The following COG5 variants were observed in gnomAD, a reference collection of about 807,000 sequenced individuals.
COG5 encodes component of oligomeric golgi complex 5.
Under a neutral mutation model 110.4 loss-of-function variants are expected in COG5, and 86 were observed. That is an observed-to-expected ratio of 0.78 (90% CI 0.65 to 0.93). The LOEUF (loss-of-function observed/expected upper bound fraction) is 0.93, where lower values mean the gene tolerates loss of function less well. Among genes scored for constraint, COG5 ranks in the 40% least tolerant of loss-of-function variants. COG5 has a pLI of 0.00. For missense variants in COG5, 1,077 were observed against 987.0 expected (o/e 1.09, Z -1.22); for synonymous variants, 360 against 334.6 (o/e 1.08, Z -0.83).
At chr7:107,409,810 T>C (rs1383963841) in intron 7 of COG5, among the ~76,000 whole-genome samples, 1 of 152,208 alleles carries the variant, frequency 6.6e-6, no homozygotes, top group Non-Finnish European at 1.5e-5. Context: ...CCTTGTGACC[T>C]TGATTTTCCT....
At chr7:107,278,987 G>A (rs1348358336) in intron 14 of COG5, among the ~76,000 whole-genome samples, 7 of 151,998 alleles carry the variant, frequency 4.6e-5, no homozygotes, top group Non-Finnish European at 7.4e-5. Flanking sequence ...AACTATCATC[G>A]GAGTGCACAG....
intron 17 of COG5, among the ~76,000 whole-genome samples, chr7:107,247,713 T>C (rs1584569186): frequency 6.6e-6 from 1 of 152,218 alleles, no homozygotes; most frequent in African/African-American, 2.4e-5. Context: ...TACTCTATTT[T>C]AAAAGATTTC....
At chr7:107,475,266 C>T in intron 6 of COG5, 1 of 1,603,554 alleles carries the variant, frequency 6.2e-7, no homozygotes, top group Non-Finnish European at 8.5e-7. Flanking sequence ...CTGTAATACA[C>T]AACTCTTGGA....
intron 6 of COG5, among the ~76,000 whole-genome samples, chr7:107,446,425 T>C (rs1390310074): frequency 2.0e-5 from 3 of 152,182 alleles, no homozygotes; most frequent in Non-Finnish European, 2.9e-5. Context: ...CACACATACT[T>C]ACGGTAACCA....
At chr7:107,291,811 A>C (rs1355778265) in intron 12 of COG5, among the ~76,000 whole-genome samples, 4 of 151,992 alleles carry the variant, frequency 2.6e-5, no homozygotes, top group Non-Finnish European at 5.9e-5. Context: ...TATTCTCCGG[A>C]TCTCTCCTTG....
chr7:107,261,636 G>C (rs1803360352), intron 14 of COG5, among the ~76,000 whole-genome samples: 1 of 152,046 alleles, frequency 6.6e-6, no homozygotes, highest in African/African-American at 2.4e-5. Flanking sequence ...TCAAATAGAT[G>C]ATCCTTCCAA....
Position 107,490,236 on chromosome 7 carries a change from C to T in COG5, c.538+37001G>A, listed in dbSNP as rs140405262. The stretch of plus-strand genomic sequence containing the variant: ...TCCAAGATAGGGTCTTGTTATATTG[C>T]CCAGGATAACCTCAAACCCTTGAGC... On this transcript the variant is annotated intron_variant, in intron 6 of 21. Coordinates refer to ENST00000297135, the MANE Select transcript of COG5 (RefSeq NM_006348.5). 1.9e-4 allele frequency among the ~76,000 whole-genome samples: 29 copies of T among 152,216 alleles called. No homozygotes were observed. In the East Asian group the frequency reaches 5.6e-3, roughly 29 times the overall value.
At chr7:107,235,832 T>TA (rs1801145748) in intron 18 of COG5, among the ~76,000 whole-genome samples, 1 of 152,256 alleles carries the variant, frequency 6.6e-6, no homozygotes, top group South Asian at 2.1e-4. Context: ...AAAATCTGTC[T>TA]AAAGGACAAA....
In COG5 at chr7:107,527,326, C is replaced by T. The variant is rs1390963885; in HGVS notation, c.449G>A (p.Arg150His). ...GAGTCTCTTACTGAGATTCAAGATA[C>T]GAATAATCCTCCGAAGCAAATCACA... ...VACDLLRRII[R>H]ILNLSKRLQG... is the part of the protein sequence containing the mutation. Residue 150 changes from arginine to histidine, a missense_variant, in exon 6 of 22, where the codon CGT (arginine) becomes CAT (histidine). Transcript: ENST00000297135. 8 of 1,613,146 alleles carry T rather than the reference C, an allele frequency of 5.0e-6. No individual in the cohort carries two copies. The highest frequency in any genetic ancestry group is 2.2e-5 in the East Asian group (1 of 44,838).
chr7:107,385,988 TTGTGTGTGTGTGTG>T (rs59992824), intron 7 of COG5, among the ~76,000 whole-genome samples: 3 of 144,832 alleles, frequency 2.1e-5, no homozygotes, highest in East Asian at 2.0e-4. Flanking sequence ...AAACCAGGTT[TTGTGTGTGTGTGTG>T]TGTGTGTGTG....
At chr7:107,475,475 T>C in intron 6 of COG5, 1 of 579,602 alleles carries the variant, frequency 1.7e-6, no homozygotes, top group Non-Finnish European at 3.0e-6. Context: ...GGTTATGTTG[T>C]AAATTTTCAA....
chr7:107,327,955 A>G (rs2129029250), intron 10 of COG5, among the ~76,000 whole-genome samples: 1 of 152,336 alleles, frequency 6.6e-6, no homozygotes, highest in South Asian at 2.1e-4. Flanking sequence ...AAAGAGCTGA[A>G]AGCAGGATCT....
At chr7:107,293,678 T>C (rs1399871436) in intron 12 of COG5, among the ~76,000 whole-genome samples, 2 of 152,142 alleles carry the variant, frequency 1.3e-5, no homozygotes, top group Non-Finnish European at 2.9e-5. Flanking sequence ...TTCCACTGTC[T>C]AATCTATAAA....
chr7:107,298,393 GTAAA>G, intron 11 of COG5, 47 bp from the exon 12 acceptor site: 1 of 1,484,786 alleles, frequency 6.7e-7, no homozygotes, highest in South Asian at 1.2e-5. Context: ...ATAAAATGTA[GTAAA>G]TGTTTCTTTT....
chr7:107,557,923 AAATT>A, intron 2 of COG5, 49 bp downstream of exon 2: 1 of 1,596,150 alleles, frequency 6.3e-7, no homozygotes, highest in Admixed American at 1.7e-5. Flanking sequence ...CAAAAATGCT[AAATT>A]ATCACTTTAG....
At chr7:107,355,554 A>G (rs1220373675) in intron 10 of COG5, among the ~76,000 whole-genome samples, 1 of 152,236 alleles carries the variant, frequency 6.6e-6, no homozygotes, top group Non-Finnish European at 1.5e-5. Context: ...GAATAAACAA[A>G]CTGAGGTATA....
chr7:107,471,515 T>C (rs1424452060), intron 6 of COG5: 3 of 152,002 alleles, frequency 2.0e-5, no homozygotes, highest in Non-Finnish European at 4.4e-5. Context: ...AACCAGGGAA[T>C]AGGTCTACAT....
At chr7:107,236,731 TCA>T in intron 17 of COG5, 44 bp from the exon 18 acceptor site, 1 of 1,265,376 alleles carries the variant, frequency 7.9e-7, no homozygotes, top group Non-Finnish European at 1.2e-6. Flanking sequence ...CTGCACTAAA[TCA>T]CACTCTTTGA....
At chr7:107,277,180 T>C (rs1804764916) in intron 14 of COG5, among the ~76,000 whole-genome samples, 1 of 151,904 alleles carries the variant, frequency 6.6e-6, no homozygotes, top group Admixed American at 6.6e-5. Context: ...GTAAAATGAA[T>C]GAGCAATTCA....
Sources: allele counts gnomAD v4.1 joint callset (sites outside exome capture counted in the v4.1 genomes callset), GRCh38; gene constraint gnomAD v4.1.1; transcripts MANE v1.5; gene names NCBI Gene and HGNC (gene_info 2026-07-23, HGNC 2026-07-21).